NTAQ1: variants seen among roughly 807,000 people sequenced by gnomAD.
The protein encoded by NTAQ1 is protein N-terminal glutamine amidohydrolase.
In NTAQ1, 21 loss-of-function variants were observed where a neutral mutation model predicts 28.2. The ratio of observed to expected loss-of-function variants is 0.74; its 90% CI spans 0.53 to 1.07. The LOEUF (loss-of-function observed/expected upper bound fraction) is 1.07, where lower values mean the gene tolerates loss of function less well. NTAQ1 is among the 50% of genes least tolerant of loss of function. NTAQ1 has a pLI of 0.00. For missense variants in NTAQ1, 264 were observed against 256.6 expected (o/e 1.03, Z -0.20); for synonymous variants, 105 against 90.0 (o/e 1.17, Z -0.94).
chr8:123,420,501 C>T (rs922393066), intron 1 of NTAQ1, among the ~76,000 whole-genome samples: 2 of 152,000 alleles, frequency 1.3e-5, no homozygotes, highest in Admixed American at 1.3e-4. Context: ...AACTGCTTTC[C>T]ACAGTGGCTT....
chr8:123,459,365 G>A (rs929028899), intron 6 of NTAQ1, among the ~76,000 whole-genome samples: 10 of 152,132 alleles, frequency 6.6e-5, no homozygotes, highest in Admixed American at 1.3e-4. Context: ...GCACATGGAC[G>A]TGTTCTGCTA....
At chr8:123,420,576 C>G (rs939205615) in intron 1 of NTAQ1, among the ~76,000 whole-genome samples, 2 of 132,888 alleles carry the variant, frequency 1.5e-5, no homozygotes, top group Non-Finnish European at 3.2e-5. Flanking sequence ...TTGCCAGCGT[C>G]TGTTATTTTT....
At chr8:123,423,463 G>A (rs1055139528) in intron 1 of NTAQ1, among the ~76,000 whole-genome samples, 4 of 130,372 alleles carry the variant, frequency 3.1e-5, no homozygotes, top group African/African-American at 5.4e-5. Context: ...TTTTCTTTCC[G>A]GAGGGTCTTG....
chr8:123,430,750 C>T (rs929163610), intron 3 of NTAQ1, among the ~76,000 whole-genome samples: 7 of 152,148 alleles, frequency 4.6e-5, no homozygotes, highest in Non-Finnish European at 7.3e-5. Flanking sequence ...CACTGTACTC[C>T]AGCTTGGGTG....
At chr8:123,446,744 C>A (rs1451545896), downstream of NTAQ1, among the ~76,000 whole-genome samples, 1 of 152,184 alleles carries the variant, frequency 6.6e-6, no homozygotes, top group Admixed American at 6.5e-5. Context: ...CAGCCCTGAT[C>A]TTGGACTTAC....
downstream of NTAQ1, among the ~76,000 whole-genome samples, chr8:123,449,883 CTCTCTCTCTA>C (rs1586961928): frequency 2.9e-5 from 3 of 102,648 alleles, no homozygotes; most frequent in East Asian, 3.3e-4. Context: ...CTCTCTCTCT[CTCTCTCTCTA>C]TCTCTCCATA....
At chr8:123,429,521 A>G (rs1244064201) in intron 2 of NTAQ1, among the ~76,000 whole-genome samples, 1 of 152,124 alleles carries the variant, frequency 6.6e-6, no homozygotes, top group Non-Finnish European at 1.5e-5. Context: ...GCAGTATACT[A>G]TGATGGCACC....
At chr8:123,444,789 G>A (rs994902851), downstream of NTAQ1, among the ~76,000 whole-genome samples, 3 of 152,194 alleles carry the variant, frequency 2.0e-5, no homozygotes, top group African/African-American at 4.8e-5. Context: ...GATTACAGGC[G>A]TGAGCCACGG....
At chr8:123,443,889 A>G (rs769106901), downstream of NTAQ1, among the ~76,000 whole-genome samples, 6 of 152,098 alleles carry the variant, frequency 3.9e-5, no homozygotes, top group Non-Finnish European at 5.9e-5. Context: ...TCCTGGTTCT[A>G]TGAGCCAGTG....
intron 6 of NTAQ1, among the ~76,000 whole-genome samples, chr8:123,464,168 A>G (rs982202738): frequency 4.6e-5 from 7 of 152,202 alleles, no homozygotes; most frequent in African/African-American, 7.2e-5. Flanking sequence ...CAGTGTGAGA[A>G]CAGACTAATA....
At chr8:123,437,422 G>A (rs1309736547) in intron 5 of NTAQ1, 88 bp downstream of exon 5, 1 of 1,554,586 alleles carries the variant, frequency 6.4e-7, no homozygotes, top group Non-Finnish European at 8.7e-7. Flanking sequence ...AAGTCAGGTT[G>A]TTCTTTGAAT....
At chr8:123,463,679 A>G (rs1815892872) in intron 6 of NTAQ1, among the ~76,000 whole-genome samples, 1 of 152,174 alleles carries the variant, frequency 6.6e-6, no homozygotes, top group South Asian at 2.1e-4. Flanking sequence ...GGACATTTGT[A>G]TGGAGGCAGT....
exon 7 of NTAQ1, among the ~76,000 whole-genome samples, chr8:123,469,869 A>G (rs565883762): frequency 2.6e-5 from 4 of 152,324 alleles, no homozygotes; most frequent in East Asian, 3.9e-4. Context: ...ATCAACAAAC[A>G]TGTATTGCCT....
chr8:123,447,339 C>T (rs911891966), intron 6 of NTAQ1, among the ~76,000 whole-genome samples: 4 of 132,668 alleles, frequency 3.0e-5, no homozygotes, highest in Non-Finnish European at 3.3e-5. Context: ...AATATATGAA[C>T]GTGTTCTTTT....
chr8:123,430,814 A>G (rs1170564924), intron 3 of NTAQ1, among the ~76,000 whole-genome samples: 2 of 152,144 alleles, frequency 1.3e-5, no homozygotes, highest in East Asian at 3.9e-4. Context: ...TGATTTAGTA[A>G]ATCTAGAGAG....
intron 6 of NTAQ1, among the ~76,000 whole-genome samples, chr8:123,464,915 G>A (rs968220214): frequency 5.3e-5 from 8 of 152,128 alleles, no homozygotes; most frequent in African/African-American, 1.9e-4. Flanking sequence ...TCATGCGCCT[G>A]TAATCCTAGC....
At chr8:123,462,647 C>T (rs1815856717) in intron 6 of NTAQ1, among the ~76,000 whole-genome samples, 1 of 152,226 alleles carries the variant, frequency 6.6e-6, no homozygotes, top group Admixed American at 6.5e-5. Context: ...ATCATTCCCA[C>T]TTCACAGATT....
chr8:123,430,404 G>A (rs975955604), intron 3 of NTAQ1, among the ~76,000 whole-genome samples: 1 of 152,190 alleles, frequency 6.6e-6, no homozygotes, highest in Non-Finnish European at 1.5e-5. Context: ...CAGTTTGGGA[G>A]GCCAAGGTGG....
In NTAQ1 at chr8:123,463,234, T is replaced by A. The variant is rs113039692; in HGVS notation, c.373-3845T>A. Among the ~76,000 whole-genome samples the A allele has an allele frequency of 3.1e-3, 477 of 152,338 alleles. 1 individual carries two copies. The highest frequency in any genetic ancestry group is 0.011 in the African/African-American group (455 of 41,584). ...ATTCTTCTGCTTTATGATGATATTA[T>A]TATCACGTCTAAGAAACTTAACATT... On this transcript the variant is annotated intron_variant, in intron 6 of 6. Coordinates refer to the NTAQ1 transcript ENST00000650311.
Sources: allele counts gnomAD v4.1 joint callset (sites outside exome capture counted in the v4.1 genomes callset), GRCh38; gene constraint gnomAD v4.1.1; transcripts MANE v1.5; gene names NCBI Gene and HGNC (gene_info 2026-07-23, HGNC 2026-07-21).